Variants in IPO5 observed in about 807,000 individuals in gnomAD.
The protein encoded by IPO5 is importin 5.
In IPO5, 18 loss-of-function variants were observed where a neutral mutation model predicts 143.3. The ratio of observed to expected loss-of-function variants is 0.13; its 90% CI spans 0.09 to 0.19. IPO5 has a LOEUF of 0.19. IPO5 is among the 10% of genes least tolerant of loss of function. IPO5 has a pLI of 1.00. For synonymous variants in IPO5, 477 were observed against 465.7 expected, an observed-to-expected ratio of 1.02 and a Z score of -0.31; for missense variants, 1,013 against 1,336.9, an observed-to-expected ratio of 0.76 and a Z score of 3.78.
intron 2 of IPO5, among the ~76,000 whole-genome samples, chr13:97,965,713 C>T (rs1215557853): frequency 2.0e-5 from 3 of 151,684 alleles, no homozygotes; most frequent in African/African-American, 7.3e-5. Context: ...TTGATCTTGT[C>T]TCCTGCAACC....
intron 2 of IPO5, among the ~76,000 whole-genome samples, chr13:97,966,551 C>T (rs1345121048): frequency 3.3e-5 from 5 of 151,940 alleles, no homozygotes; most frequent in Non-Finnish European, 7.4e-5. Context: ...ATTTTTGTGT[C>T]GATATTGGTC....
At chr13:97,959,754 C>T (rs1884722271) in intron 2 of IPO5, among the ~76,000 whole-genome samples, 1 of 151,956 alleles carries the variant, frequency 6.6e-6, no homozygotes, top group African/African-American at 2.4e-5. Context: ...AAGACTGTGT[C>T]CCTAGGGTAT....
intron 11 of IPO5, among the ~76,000 whole-genome samples, chr13:97,996,385 A>G (rs559840047): frequency 1.4e-4 from 21 of 152,238 alleles, no homozygotes; most frequent in Non-Finnish European, 1.8e-4. Flanking sequence ...GAAATAGCTA[A>G]TGAACCCTGC....
chr13:97,969,704 T>TC lies in IPO5; in HGVS notation c.-112-18dup. ...TAAGTACCATCTAATGGTCCACCAT[T>TC]CTGTTTCTGTCAAATCAGCAGAGGA... On this transcript the variant is annotated intron_variant, in intron 2 of 28. Coordinates refer to ENST00000651721, the MANE Select transcript of IPO5 (RefSeq NM_002271.6). The TC allele has an allele frequency of 9.5e-7, 1 of 1,050,520 alleles. No individual in the cohort carries two copies. Among genetic ancestry groups the TC allele is most frequent in the African/African-American group, 1.6e-5 (1 of 63,640 alleles). The allele number at this position is 1,050,520 out of a possible 1,614,324, so 65.1% of individuals were successfully genotyped here. A position where few individuals can be genotyped will look rare whatever the true frequency, so the allele number is the denominator to read the frequency against.
chr13:97,967,761 A>G lies in IPO5; in HGVS notation c.-112-1962A>G, dbSNP rs542590552. On this transcript the variant is annotated intron_variant, in intron 2 of 28. Transcript: ENST00000651721. ...ATTCTCCTGCCTCAGCCTCCCAAGT[A>G]GCTGGGACTACAGGTGCCCACCACC... Among the ~76,000 whole-genome samples, 69 of 152,108 alleles carry G rather than the reference A, an allele frequency of 4.5e-4. 1 individual carries two copies. The East Asian group carries it at 0.013, about 29-fold the overall frequency.
chr13:97,975,843 C>A (rs543572291), intron 3 of IPO5: 3 of 861,554 alleles, frequency 3.5e-6, no homozygotes, highest in African/African-American at 1.8e-5. Flanking sequence ...TGGGGACGGG[C>A]GGCCTGGCGG....
Position 97,992,861 on chromosome 13 carries a change from C to G in IPO5, c.670-31C>G, listed in dbSNP as rs368351811. Reference sequence around the variant, plus strand: ...AATGAGGCATTATAAAGTGAATCTTCAGCACCGACTTTCTGTTTCATCTTT... The same window carrying G: ...AATGAGGCATTATAAAGTGAATCTTGAGCACCGACTTTCTGTTTCATCTTT... On this transcript the variant is annotated intron_variant, in intron 9 of 28. Coordinates refer to ENST00000651721, the MANE Select transcript of IPO5 (RefSeq NM_002271.6). 6.3e-6 allele frequency: 10 copies of G among 1,586,958 alleles called. No individual in the cohort carries two copies. In the African/African-American group the frequency reaches 1.3e-4, roughly 21 times the overall value.
At chr13:97,982,607 AT>A in intron 5 of IPO5, 24 bp downstream of exon 5, 1 of 1,377,956 alleles carries the variant, frequency 7.3e-7, no homozygotes, top group Non-Finnish European at 1.0e-6. Flanking sequence ...ATTTGTGACT[AT>A]TACATTCTTA....
chr13:98,011,272 GTTTT>G (rs530076347), intron 20 of IPO5, among the ~76,000 whole-genome samples: 1 of 151,320 alleles, frequency 6.6e-6, no homozygotes, highest in Non-Finnish European at 1.5e-5. Flanking sequence ...GGTTTTTGGG[GTTTT>G]TTTTGTTTGT....
intron 6 of IPO5, among the ~76,000 whole-genome samples, chr13:97,985,926 G>A (rs1012232415): frequency 1.1e-4 from 16 of 151,976 alleles, no homozygotes; most frequent in Admixed American, 7.9e-4. Flanking sequence ...AGTTCAGGAC[G>A]AACCTGGGCA....
intron 18 of IPO5, among the ~76,000 whole-genome samples, chr13:98,008,432 G>A (rs552015608): frequency 2.0e-4 from 30 of 152,154 alleles, no homozygotes; most frequent in African/African-American, 5.8e-4. Flanking sequence ...CATGGCTTCC[G>A]GTTTCCTCTG....
At chr13:98,004,800 A>T (rs561898886) in intron 16 of IPO5, among the ~76,000 whole-genome samples, 20 of 152,330 alleles carry the variant, frequency 1.3e-4, no homozygotes, top group Non-Finnish European at 2.4e-4. Flanking sequence ...AACTCTGCTG[A>T]GAGTGTGGGT....
intron 2 of IPO5, among the ~76,000 whole-genome samples, chr13:97,965,592 T>C (rs1885261849): frequency 1.3e-5 from 2 of 152,234 alleles, no homozygotes; most frequent in South Asian, 4.1e-4. Flanking sequence ...ACTATTACTT[T>C]GTTACTGAGT....
At chr13:97,977,314 G>A (rs1286369860) in intron 4 of IPO5, among the ~76,000 whole-genome samples, 2 of 152,106 alleles carry the variant, frequency 1.3e-5, no homozygotes, top group African/African-American at 4.8e-5. Flanking sequence ...TGTCCCTACT[G>A]CCTTTTTCCA....
In IPO5 at chr13:97,989,087, C is replaced by T. The variant is rs140595504; in HGVS notation, c.390C>T (p.Pro130=). 18 of 1,612,850 alleles carry T rather than the reference C, an allele frequency of 1.1e-5. No homozygotes were observed. The highest frequency in any genetic ancestry group is 9.3e-5 in the African/African-American group (7 of 74,976). ...ATGAGGATGGCAATAACCAGTGGCC[C>T]GAAGGTTTGAAGTTCCTTTTTGATT... The part of the protein sequence containing the change: ...LIDEDGNNQW[P]EGLKFLFDSV... The change falls in exon 7 of 29, where the codon CCC becomes CCT. Residue 130 remains proline, a synonymous_variant. Transcript: ENST00000651721.
At chr13:97,959,088 C>T (rs1302784822) in intron 2 of IPO5, among the ~76,000 whole-genome samples, 7 of 151,776 alleles carry the variant, frequency 4.6e-5, no homozygotes, top group Non-Finnish European at 2.9e-5. Flanking sequence ...AAGAGAATTG[C>T]TTGAACCTAG....
intron 17 of IPO5, 64 bp from the exon 18 acceptor site, chr13:98,007,995 T>G: frequency 1.0e-6 from 1 of 980,902 alleles, no homozygotes; most frequent in Non-Finnish European, 1.6e-6. Flanking sequence ...TGGCAAAGCT[T>G]TGCTAATTAC....
intron 6 of IPO5, 107 bp downstream of exon 6, chr13:97,985,720 A>G (rs1038325017): frequency 1.4e-6 from 1 of 738,350 alleles, no homozygotes; most frequent in African/African-American, 1.8e-5. Context: ...CCTGAGTACC[A>G]TTTATTCTGT....
At position 97,993,133 on chromosome 13, in the gene IPO5, T is replaced by C. The variant is rs1414258773; in HGVS notation, c.821T>C (p.Met274Thr). 7.4e-6 allele frequency: 12 copies of C among 1,614,032 alleles called. No individual in the cohort carries two copies. Among genetic ancestry groups the C allele is most frequent in the Middle Eastern group, 3.3e-4 (2 of 6,084 alleles). Reference sequence around the variant, plus strand: ...TGTGGAGACACTAGCCTCAACAATATGCAACGCCAGCTTGCCCTTGAAGTG... The same window carrying C: ...TGTGGAGACACTAGCCTCAACAATACGCAACGCCAGCTTGCCCTTGAAGTG... ...KLCGDTSLNNMQRQLALEVIV... is the reference protein window; with the variant it reads ...KLCGDTSLNNTQRQLALEVIV... Residue 274 changes from methionine (M) to threonine (T), a missense_variant, in exon 11 of 29, where the codon ATG (methionine) becomes ACG (threonine). This residue lies in a region of IPO5 where 328 missense variants were observed against 342.0 expected (regional missense o/e 0.96). Transcript: ENST00000651721.
Sources: allele counts gnomAD v4.1 joint callset (sites outside exome capture counted in the v4.1 genomes callset), GRCh38; gene constraint gnomAD v4.1.1; regional missense constraint gnomAD v4.1.1; transcripts MANE v1.5; gene names NCBI Gene and HGNC (gene_info 2026-07-23, HGNC 2026-07-21).